ARHGAP23: variants seen among roughly 807,000 people sequenced by gnomAD.
The protein encoded by ARHGAP23 is rho GTPase-activating protein 23.
A neutral mutation model predicts 136.3 loss-of-function variants in ARHGAP23; 34 were observed. The observed-to-expected ratio is 0.25, with a 90% CI of 0.19 to 0.33. The LOEUF is 0.33. ARHGAP23 is among the 10% of genes least tolerant of loss of function. The pLI is 1.00. For synonymous variants in ARHGAP23, 832 were observed against 920.5 expected, an observed-to-expected ratio of 0.90 and a Z score of 1.74; for missense variants, 1,808 against 2,139.0, an observed-to-expected ratio of 0.85 and a Z score of 3.05.
intron 17 of ARHGAP23, among the ~76,000 whole-genome samples, chr17:38,486,593 G>T (rs1187570275): frequency 6.9e-6 from 1 of 144,892 alleles, no homozygotes; most frequent in Non-Finnish European, 1.5e-5. Context: ...AGATTGTACA[G>T]ATGTGAATGA....
chr17:38,460,924 G>C lies in ARHGAP23; in HGVS notation c.245G>C (p.Arg82Pro). Residue 82 changes from arginine to proline, a missense_variant, in exon 3 of 24, where the codon CGT becomes CCT. Physicochemically the swap from Arg to Pro is moderately radical, Grantham distance 103 (BLOSUM62 -2). Around this residue, in one of 7 missense-constraint regions of ARHGAP23, gnomAD observed 859 missense variants for 936.4 expected, o/e 0.92. Transcript: ENST00000622683. ...CTGCAGGAGGAAGAGAATGGAGGCCGTGGAGGAGGTAAGGGAGGACTGGCG... is the reference window on the plus strand; with the variant it reads ...CTGCAGGAGGAAGAGAATGGAGGCCCTGGAGGAGGTAAGGGAGGACTGGCG... ...CSLKEEENGG[R>P]GGGPSPRYRL... 6.5e-7 allele frequency: 1 copy of C among 1,536,004 alleles called. No homozygotes were observed. Among genetic ancestry groups the C allele is most frequent in the Non-Finnish European group, 8.7e-7 (1 of 1,146,832 alleles).
chr17:38,456,566 G>A (rs1027806888), intron 1 of ARHGAP23, among the ~76,000 whole-genome samples: 8 of 152,168 alleles, frequency 5.3e-5, no homozygotes, highest in African/African-American at 1.7e-4. Context: ...CCTCTGAGGG[G>A]CTTGGACTAG....
At position 38,496,155 on chromosome 17, in the gene ARHGAP23, C is replaced by T. The variant is rs569648438; in HGVS notation, c.3277-1630C>T. On this transcript the variant is annotated intron_variant, in intron 20 of 23. Coordinates refer to ENST00000622683, the MANE Select transcript of ARHGAP23 (RefSeq NM_001199417.2). The stretch of plus-strand genomic sequence containing the variant: ...TCAGGTGATCCGCCCGCCTCAGCCT[C>T]CCAAAGTGCTGGGATTACAGATGTG... 7.2e-5 allele frequency among the ~76,000 whole-genome samples: 11 copies of T among 152,292 alleles called. No individual in the cohort carries two copies. The South Asian group carries it at 2.3e-3, about 32-fold the overall frequency.
upstream of ARHGAP23, among the ~76,000 whole-genome samples, chr17:38,424,456 C>T (rs1301851103): frequency 1.3e-5 from 2 of 152,150 alleles, no homozygotes; most frequent in Non-Finnish European, 2.9e-5. Flanking sequence ...CCCACTGGCC[C>T]CCGAGGCTGT....
chr17:38,505,124 C>A (rs1374486704), intron 23 of ARHGAP23, among the ~76,000 whole-genome samples: 1 of 149,332 alleles, frequency 6.7e-6, no homozygotes, highest in Non-Finnish European at 1.5e-5. Context: ...CCTGCTTCAA[C>A]CTCCTGAGTT....
intron 1 of ARHGAP23, among the ~76,000 whole-genome samples, chr17:38,436,122 G>A (rs2038791407): frequency 6.6e-6 from 1 of 152,186 alleles, no homozygotes; most frequent in Non-Finnish European, 1.5e-5. Flanking sequence ...AGGAAGGCGA[G>A]GGGGACAGCT....
chr17:38,462,712 G>T, intron 3 of ARHGAP23, 134 bp from the exon 4 acceptor site: 1 of 648,952 alleles, frequency 1.5e-6, no homozygotes, highest in Non-Finnish European at 2.5e-6. Context: ...TGTCCTCGTG[G>T]ATGTTTGAGC....
intron 3 of ARHGAP23, 88 bp downstream of exon 3, chr17:38,461,020 C>T (rs2039448264): frequency 4.7e-6 from 7 of 1,490,690 alleles, no homozygotes; most frequent in Non-Finnish European, 5.3e-6. Flanking sequence ...ACTGCCTGTC[C>T]TTTTCTGTGC....
intron 23 of ARHGAP23, among the ~76,000 whole-genome samples, chr17:38,502,275 C>T (rs1209789966): frequency 6.6e-6 from 1 of 152,204 alleles, no homozygotes; most frequent in African/African-American, 2.4e-5. Context: ...CACTGCACTC[C>T]AGTCTGGGCG....
intron 11 of ARHGAP23, among the ~76,000 whole-genome samples, chr17:38,472,914 G>A (rs190325508): frequency 3.9e-5 from 6 of 152,164 alleles, no homozygotes; most frequent in Non-Finnish European, 7.3e-5. Flanking sequence ...GGCACTTGAA[G>A]CTGCTGTACT....
intron 1 of ARHGAP23, among the ~76,000 whole-genome samples, chr17:38,442,335 C>A (rs1306013944): frequency 6.6e-6 from 1 of 152,148 alleles, no homozygotes; most frequent in East Asian, 1.9e-4. Flanking sequence ...ATATAAAAAG[C>A]CCCTGCCTCT....
At chr17:38,489,968 A>G in intron 17 of ARHGAP23, 134 bp from the exon 18 acceptor site, 3 of 765,648 alleles carry the variant, frequency 3.9e-6, no homozygotes, top group Middle Eastern at 2.6e-4. Context: ...TCACATACAC[A>G]AGAGGCTGTC....
chr17:38,491,607 C>A, intron 20 of ARHGAP23, 75 bp downstream of exon 20: 1 of 1,537,230 alleles, frequency 6.5e-7, no homozygotes, highest in Non-Finnish European at 8.8e-7. Context: ...CTCGCTCTTG[C>A]TCCGCCTGGC....
intron 1 of ARHGAP23, among the ~76,000 whole-genome samples, chr17:38,439,520 C>T (rs1292930515): frequency 6.6e-6 from 1 of 152,164 alleles, no homozygotes; most frequent in Non-Finnish European, 1.5e-5. Flanking sequence ...CATTGCCCAC[C>T]AATAATAATA....
intron 1 of ARHGAP23, among the ~76,000 whole-genome samples, chr17:38,434,900 C>T (rs909727242): frequency 1.3e-5 from 2 of 152,162 alleles, no homozygotes; most frequent in African/African-American, 2.4e-5. Flanking sequence ...CTTCTGAGAG[C>T]CCCCGAAGGC....
At chr17:38,429,033 C>T (rs1398517321) in intron 1 of ARHGAP23, among the ~76,000 whole-genome samples, 2 of 152,200 alleles carry the variant, frequency 1.3e-5, no homozygotes, top group Non-Finnish European at 2.9e-5. Context: ...GACACCCCCT[C>T]CCCGCGCCAC....
chr17:38,459,367 T>A (rs2039406634), intron 2 of ARHGAP23, among the ~76,000 whole-genome samples: 1 of 152,236 alleles, frequency 6.6e-6, no homozygotes, highest in Non-Finnish European at 1.5e-5. Flanking sequence ...TACATGTAAC[T>A]GTGCAGCTCT....
chr17:38,465,326 G>A (rs2039563705), intron 6 of ARHGAP23, among the ~76,000 whole-genome samples: 2 of 152,194 alleles, frequency 1.3e-5, no homozygotes, highest in Non-Finnish European at 1.5e-5. Context: ...TACTGTGTGT[G>A]TGTGTGTCTC....
chr17:38,496,261 A>G (rs182283546), intron 20 of ARHGAP23, among the ~76,000 whole-genome samples: 2 of 152,234 alleles, frequency 1.3e-5, no homozygotes, highest in East Asian at 3.9e-4. Context: ...TCTAAAAGCC[A>G]AAAGTGGTAG....
Sources: gnomAD v4.1 joint callset for allele counts (sites outside exome capture counted in the v4.1 genomes callset) on GRCh38, gnomAD v4.1.1 for gene constraint, gnomAD v4.1.1 regional missense constraint, MANE v1.5 for transcripts, NCBI Gene and HGNC (gene_info 2026-07-23, HGNC 2026-07-21) for gene names.